The following ITGA8 variants were observed in gnomAD, a reference collection of about 807,000 sequenced individuals.
ITGA8 encodes integrin alpha-8.
ITGA8 carries 91 observed loss-of-function variants against 142.3 expected under a neutral mutation model. The observed-to-expected ratio is 0.64, with a 90% CI of 0.54 to 0.76. The LOEUF (loss-of-function observed/expected upper bound fraction) is 0.76, where lower values mean the gene tolerates loss of function less well. Among genes scored for constraint, ITGA8 ranks in the 30% least tolerant of loss-of-function variants. The probability of loss-of-function intolerance (pLI) is 0.00; values close to 1 mark genes in which losing one functional copy is unlikely to be tolerated. For missense variants in ITGA8, 1,406 were observed against 1,327.7 expected (o/e 1.06, Z -0.92); for synonymous variants, 505 against 485.2 (o/e 1.04, Z -0.54).
At position 15,613,687 on chromosome 10, in the gene ITGA8, A is replaced by G. The variant is rs149950720; in HGVS notation, c.1526T>C (p.Val509Ala). The G allele has an allele frequency of 5.0e-6, 8 of 1,613,868 alleles. No individual in the cohort carries two copies. The highest frequency in any genetic ancestry group is 1.6e-4 in the Middle Eastern group (1 of 6,062). Residue 509 changes from valine to alanine, a missense_variant, in exon 15 of 30, where the codon GTT (valine) becomes GCT (alanine). Val to Ala is a moderately conservative substitution (Grantham distance 64, BLOSUM62 0). Transcript: ENST00000378076. The part of the protein sequence containing the change: ...IINLENKTCQ[V>A]PDSMTSAACF... ...GGCAGCAGATGTCATAGAGTCTGGA[A>G]CCTGGCAAGTTTTATTTTCAAGATT... is the stretch of plus-strand genomic sequence containing the variant.
intron 13 of ITGA8, among the ~76,000 whole-genome samples, chr10:15,643,763 A>T (rs1026447515): frequency 6.6e-6 from 1 of 152,192 alleles, no homozygotes; most frequent in Non-Finnish European, 1.5e-5. Flanking sequence ...TTGGGTTGTG[A>T]AGTTGACAAG....
chr10:15,563,462 G>T (rs1219362893), intron 25 of ITGA8, among the ~76,000 whole-genome samples: 8 of 151,948 alleles, frequency 5.3e-5, no homozygotes, highest in African/African-American at 1.9e-4. Context: ...ATTTTTTATA[G>T]GTCATTGACA....
intron 2 of ITGA8, among the ~76,000 whole-genome samples, chr10:15,691,975 T>G (rs189176921): frequency 1.8e-4 from 28 of 152,318 alleles, no homozygotes; most frequent in Middle Eastern, 3.4e-3. Context: ...CTCACTCTGT[T>G]ACCCAGGCTA....
Position 15,687,919 on chromosome 10 carries a change from GC to G in ITGA8, c.444+18del. On this transcript the variant is annotated intron_variant, in intron 3 of 29. Transcript: ENST00000378076. ...ACCATACTCCAAAGCAGCAGCACAAGCCCACGGCTCATACTCACCACAACTT... is the reference window on the plus strand; with the variant it reads ...ACCATACTCCAAAGCAGCAGCACAAGCCACGGCTCATACTCACCACAACTT... 1.4e-6 allele frequency: 2 copies of G among 1,440,152 alleles called. No homozygotes were observed. The highest frequency in any genetic ancestry group is 1.1e-5 in the South Asian group (1 of 87,550). The allele number at this position is 1,440,152 out of a possible 1,614,324, so 89.2% of individuals were successfully genotyped here.
At chr10:15,708,640 C>T (rs1402642081) in intron 2 of ITGA8, among the ~76,000 whole-genome samples, 1 of 152,168 alleles carries the variant, frequency 6.6e-6, no homozygotes, top group African/African-American at 2.4e-5. Flanking sequence ...TGTGCATTTC[C>T]TTTCTCATGC....
intron 13 of ITGA8, among the ~76,000 whole-genome samples, chr10:15,627,580 A>T (rs888388340): frequency 6.6e-6 from 1 of 152,202 alleles, no homozygotes; most frequent in Non-Finnish European, 1.5e-5. Flanking sequence ...AGGACAAAAG[A>T]GATGAAAGAG....
At chr10:15,702,651 T>A (rs927489744) in intron 2 of ITGA8, among the ~76,000 whole-genome samples, 32 of 152,150 alleles carry the variant, frequency 2.1e-4, no homozygotes, top group Admixed American at 1.9e-3. Context: ...TCCTTTCCAT[T>A]TGGGTTAACT....
intron 22 of ITGA8, among the ~76,000 whole-genome samples, chr10:15,587,762 G>A (rs1250429317): frequency 6.6e-6 from 1 of 152,144 alleles, no homozygotes; most frequent in Non-Finnish European, 1.5e-5. Context: ...TTGAACAGTG[G>A]CAAAATTATT....
At position 15,548,456 on chromosome 10, in the gene ITGA8, T is replaced by C. The variant is rs1336749347; in HGVS notation, c.2879A>G (p.Gln960Arg). The change falls in exon 27 of 30, where the codon CAG (glutamine) becomes CGG (arginine). Residue 960 changes from glutamine to arginine, a missense_variant and splice_region_variant. Transcript: ENST00000378076. ...TGTGCTTCTGTGGTTGTTTATTACC[T>C]GGAGGAAGGTGTGGGCCCATAATCG... ...RSRLWAHTFL[Q>R]RKNDPYALAS... 6.2e-7 allele frequency: 1 copy of C among 1,605,878 alleles called. No individual in the cohort carries two copies. Among genetic ancestry groups the C allele is most frequent in the Non-Finnish European group, 8.5e-7 (1 of 1,175,544 alleles).
At chr10:15,531,736 GAGACCATC>G (rs1268692971) in intron 27 of ITGA8, among the ~76,000 whole-genome samples, 4 of 151,776 alleles carry the variant, frequency 2.6e-5, no homozygotes, top group Admixed American at 6.6e-5. Flanking sequence ...TCAGGAGTTT[GAGACCATC>G]CTGGCCAACA....
chr10:15,545,167 G>T (rs1288077057), intron 27 of ITGA8, among the ~76,000 whole-genome samples: 5 of 152,202 alleles, frequency 3.3e-5, no homozygotes, highest in Non-Finnish European at 5.9e-5. Flanking sequence ...GTTCAGAACA[G>T]AACTCTTGGT....
In ITGA8 at chr10:15,700,641, C is replaced by T. The variant is rs189652979; in HGVS notation, c.344-12603G>A. Reference sequence around the variant, plus strand: ...CAGAATTAACAGAAAACCCACAGAGCGGGAGAAAATCTTCACAATCTATAT... The same window carrying T: ...CAGAATTAACAGAAAACCCACAGAGTGGGAGAAAATCTTCACAATCTATAT... On this transcript the variant is annotated intron_variant, in intron 2 of 29. Coordinates refer to ENST00000378076, the MANE Select transcript of ITGA8 (RefSeq NM_003638.3). 1.6e-3 allele frequency among the ~76,000 whole-genome samples: 251 copies of T among 152,176 alleles called. 4 individuals carry two copies. In the East Asian group the frequency reaches 0.02, roughly 12 times the overall value.
intron 8 of ITGA8, 108 bp from the exon 9 acceptor site, chr10:15,661,030 C>T: frequency 9.7e-7 from 1 of 1,036,078 alleles, no homozygotes; most frequent in South Asian, 1.4e-5. Context: ...AAATGAGTGG[C>T]TATCATACAG....
intron 27 of ITGA8, among the ~76,000 whole-genome samples, chr10:15,537,298 G>A (rs936372663): frequency 1.3e-5 from 2 of 152,134 alleles, no homozygotes; most frequent in East Asian, 1.9e-4. Context: ...TTATAATAAC[G>A]CATTCCTCTT....
chr10:15,520,786 GTC>G (rs1166652660), intron 28 of ITGA8, among the ~76,000 whole-genome samples: 3 of 152,186 alleles, frequency 2.0e-5, no homozygotes, highest in African/African-American at 7.2e-5. Flanking sequence ...CTGGTCTAAG[GTC>G]TCCTAGTTTT....
intron 6 of ITGA8, among the ~76,000 whole-genome samples, 164 bp downstream of exon 6, chr10:15,677,423 TTAAAA>T (rs370457553): frequency 3.5e-4 from 53 of 152,286 alleles, no homozygotes; most frequent in East Asian, 1.2e-3. Context: ...GTTTTGTCAA[TTAAAA>T]TAAAATATTA....
intron 28 of ITGA8, among the ~76,000 whole-genome samples, chr10:15,525,824 TATC>T (rs1833163786): frequency 1.3e-5 from 2 of 152,076 alleles, no homozygotes; most frequent in Admixed American, 6.6e-5. Flanking sequence ...ATTAAACTAT[TATC>T]ATTTTAATAT....
chr10:15,661,940 A>C, intron 8 of ITGA8, among the ~76,000 whole-genome samples: 1 of 152,198 alleles, frequency 6.6e-6, no homozygotes, highest in East Asian at 1.9e-4. Context: ...CTAAAAACAA[A>C]CCACAATCAG....
intron 27 of ITGA8, among the ~76,000 whole-genome samples, chr10:15,539,477 G>A (rs879898864): frequency 5.3e-5 from 8 of 152,140 alleles, no homozygotes; most frequent in Non-Finnish European, 1.2e-4. Context: ...AAGTGGACCA[G>A]AAGCTGAGCC....
Sources: allele counts gnomAD v4.1 joint callset (sites outside exome capture counted in the v4.1 genomes callset), GRCh38; gene constraint gnomAD v4.1.1; transcripts MANE v1.5; gene names NCBI Gene and HGNC (gene_info 2026-07-23, HGNC 2026-07-21).